ZBTB7C: variants seen among roughly 807,000 people sequenced by gnomAD.
ZBTB7C encodes zinc finger and BTB domain-containing protein 7C.
In ZBTB7C, 8 loss-of-function variants were observed where a neutral mutation model predicts 25.7. That is an observed-to-expected ratio of 0.31 (90% confidence interval 0.18 to 0.56). The LOEUF (loss-of-function observed/expected upper bound fraction) is 0.56, where lower values mean the gene tolerates loss of function less well. Among genes scored for constraint, ZBTB7C ranks in the 20% least tolerant of loss-of-function variants. ZBTB7C has a pLI of 0.91. For missense variants in ZBTB7C, 824 were observed against 855.2 expected, an observed-to-expected ratio of 0.96 and a Z score of 0.46; for synonymous variants, 394 against 369.0, an observed-to-expected ratio of 1.07 and a Z score of -0.78.
chr18:48,207,005 A>G (rs1409939280), intron 2 of ZBTB7C, among the ~76,000 whole-genome samples: 2 of 152,246 alleles, frequency 1.3e-5, no homozygotes, highest in Admixed American at 6.5e-5. Context: ...TAAGAAAAAA[A>G]TAGACTTACC....
chr18:48,093,552 A>G (rs755549471), intron 3 of ZBTB7C, among the ~76,000 whole-genome samples: 24 of 152,272 alleles, frequency 1.6e-4, no homozygotes, highest in Non-Finnish European at 3.2e-4. Context: ...ATGGCCCACA[A>G]TCCAGCTATG....
intron 2 of ZBTB7C, among the ~76,000 whole-genome samples, chr18:48,212,169 A>G (rs1235454201): frequency 6.6e-6 from 1 of 152,202 alleles, no homozygotes; most frequent in Non-Finnish European, 1.5e-5. Flanking sequence ...AGCCTGGGCA[A>G]CAGAGCAAGA....
At chr18:48,085,355 T>C (rs2038154722) in intron 3 of ZBTB7C, among the ~76,000 whole-genome samples, 1 of 152,056 alleles carries the variant, frequency 6.6e-6, no homozygotes, top group Admixed American at 6.5e-5. Flanking sequence ...CCATTACCTC[T>C]CCCCCAGGAG....
At chr18:48,047,610 A>AC (rs2036524838) in intron 3 of ZBTB7C, among the ~76,000 whole-genome samples, 1 of 152,064 alleles carries the variant, frequency 6.6e-6, no homozygotes, top group Non-Finnish European at 1.5e-5. Flanking sequence ...AGGTTCTAGA[A>AC]CCCGGGTAAG....
intron 1 of ZBTB7C, among the ~76,000 whole-genome samples, chr18:48,371,815 C>A (rs1341103283): frequency 1.3e-5 from 2 of 152,180 alleles, no homozygotes; most frequent in East Asian, 3.8e-4. Context: ...GATTTCATTA[C>A]CCTGGAAGGT....
intron 1 of ZBTB7C, among the ~76,000 whole-genome samples, chr18:48,400,707 T>A (rs1237030646): frequency 6.6e-6 from 1 of 152,376 alleles, no homozygotes; most frequent in East Asian, 1.9e-4. Context: ...ATTGAAATGA[T>A]AATATCTTGG....
At chr18:48,111,252 G>A (rs947186602) in intron 3 of ZBTB7C, among the ~76,000 whole-genome samples, 5 of 152,158 alleles carry the variant, frequency 3.3e-5, no homozygotes, top group African/African-American at 1.2e-4. Flanking sequence ...CTCAAGCAAC[G>A]TTTGTTGATT....
intron 3 of ZBTB7C, chr18:48,072,545 CAG>C (rs1351862634): frequency 2.0e-5 from 3 of 152,240 alleles, no homozygotes; most frequent in Admixed American, 2.0e-4. Flanking sequence ...CAGACAGACA[CAG>C]GGGCAGGAGG....
chr18:48,169,270 C>G (rs899836332), intron 3 of ZBTB7C, among the ~76,000 whole-genome samples: 1 of 152,220 alleles, frequency 6.6e-6, no homozygotes, highest in Non-Finnish European at 1.5e-5. Flanking sequence ...ACCTCCCAGT[C>G]CCCTTGCCTT....
chr18:48,273,132 G>C (rs892337515), intron 2 of ZBTB7C, among the ~76,000 whole-genome samples: 2 of 152,140 alleles, frequency 1.3e-5, no homozygotes, highest in African/African-American at 4.8e-5. Flanking sequence ...CACTTTAAAA[G>C]TGCGAAATTT....
chr18:48,035,615 G>T (rs922471633), intron 4 of ZBTB7C, among the ~76,000 whole-genome samples: 5 of 152,248 alleles, frequency 3.3e-5, no homozygotes, highest in African/African-American at 7.2e-5. Flanking sequence ...GGGGCAAAAA[G>T]GTGTGCGGGG....
At chr18:48,267,614 G>A (rs189958380) in intron 2 of ZBTB7C, among the ~76,000 whole-genome samples, 61 of 152,280 alleles carry the variant, frequency 4.0e-4, no homozygotes, top group Admixed American at 3.7e-3. Context: ...ACATCAATAC[G>A]TGTCTCCATC....
chr18:48,321,934 C>T (rs1282220638), intron 2 of ZBTB7C, among the ~76,000 whole-genome samples: 2 of 152,240 alleles, frequency 1.3e-5, no homozygotes, highest in African/African-American at 4.8e-5. Flanking sequence ...AAAGCCAACA[C>T]TCAGAGAAAT....
At chr18:48,344,934 A>G (rs28440178) in intron 1 of ZBTB7C, among the ~76,000 whole-genome samples, 27,723 of 152,150 alleles carry the variant, frequency 0.18, 2,816 homozygotes, top group African/African-American at 0.26. Flanking sequence ...TATCTTCTAT[A>G]TACTCTCTGA....
rs1324074666 is a variant in ZBTB7C at position 48,034,944 on chromosome 18, A to G, written c.1208+4956T>C. 2.0e-5 allele frequency among the ~76,000 whole-genome samples: 3 copies of G among 152,194 alleles called. No individual in the cohort carries two copies. The East Asian group carries it at 5.8e-4, about 29-fold the overall frequency. On this transcript the variant is annotated intron_variant, in intron 4 of 4. Transcript: ENST00000590800. Reference sequence around the variant, plus strand: ...GCCTCCAGAAAGGCTCCCAATCAGGATAATGCTTTCCCAGCAGCCTCTACC... The same window carrying G: ...GCCTCCAGAAAGGCTCCCAATCAGGGTAATGCTTTCCCAGCAGCCTCTACC...
At chr18:48,264,617 G>A (rs972586691) in intron 2 of ZBTB7C, among the ~76,000 whole-genome samples, 10 of 152,150 alleles carry the variant, frequency 6.6e-5, no homozygotes, top group African/African-American at 1.7e-4. Flanking sequence ...TTCGGTTAAG[G>A]GAGGCTGGGA....
chr18:48,408,506 C>T (rs2048333636), intron 1 of ZBTB7C: 1 of 152,248 alleles, frequency 6.6e-6, no homozygotes, highest in Admixed American at 6.5e-5. Context: ...CCCCAGCTTC[C>T]CGACTTGACA....
At chr18:48,285,998 A>G (rs1458520132) in intron 2 of ZBTB7C, among the ~76,000 whole-genome samples, 1 of 152,164 alleles carries the variant, frequency 6.6e-6, no homozygotes, top group Non-Finnish European at 1.5e-5. Context: ...GGAAACCCAC[A>G]CATGAGCTCC....
chr18:48,210,744 G>C (rs1352094623), intron 2 of ZBTB7C, among the ~76,000 whole-genome samples: 1 of 152,076 alleles, frequency 6.6e-6, no homozygotes, highest in Admixed American at 6.5e-5. Context: ...AGAGATGGTT[G>C]CAAAACTCCA....
Sources: allele counts gnomAD v4.1 joint callset (sites outside exome capture counted in the v4.1 genomes callset), GRCh38; gene constraint gnomAD v4.1.1; transcripts MANE v1.5; gene names NCBI Gene and HGNC (gene_info 2026-07-23, HGNC 2026-07-21).